Variants in MYO18B observed in about 807,000 individuals in gnomAD.
The protein encoded by MYO18B is myosin XVIIIB.
A neutral mutation model predicts 273.0 loss-of-function variants in MYO18B; 204 were observed. That is an observed-to-expected ratio of 0.75 (90% confidence interval 0.67 to 0.84). The LOEUF is 0.84. MYO18B is among the 40% of genes least tolerant of loss of function. The pLI, the probability that MYO18B is intolerant of heterozygous loss-of-function variation, is 0.00. For missense variants in MYO18B, 3,212 were observed against 3,287.6 expected (o/e 0.98, Z 0.56); for synonymous variants, 1,330 against 1,305.7 (o/e 1.02, Z -0.40).
chr22:25,997,796 C>T (rs1933451620), intron 40 of MYO18B, among the ~76,000 whole-genome samples: 1 of 152,108 alleles, frequency 6.6e-6, no homozygotes, highest in Admixed American at 6.6e-5. Context: ...GCTAACAGCT[C>T]CACGCTACAC....
At chr22:26,063,562 G>GCA in the MYO18B span, among the ~76,000 whole-genome samples, 1 of 152,190 alleles carries the variant, frequency 6.6e-6, no homozygotes, top group Non-Finnish European at 1.5e-5. Context: ...TCAGGTCCAG[G>GCA]TCTCTTTGCA....
intron 34 of MYO18B, among the ~76,000 whole-genome samples, chr22:25,934,009 C>T (rs896621179): frequency 3.3e-5 from 5 of 152,156 alleles, no homozygotes; most frequent in Non-Finnish European, 7.4e-5. Flanking sequence ...GTATTATTAT[C>T]AGTTGTTGGC....
chr22:25,989,725 G>A (rs1453171526), intron 39 of MYO18B, among the ~76,000 whole-genome samples: 1 of 147,642 alleles, frequency 6.8e-6, no homozygotes, highest in Non-Finnish European at 1.5e-5. Flanking sequence ...TTGAACCTGG[G>A]AGGCGGAGCT....
At position 25,921,774 on chromosome 22, in the gene MYO18B, G is replaced by A. The variant is rs369985905; in HGVS notation, c.5517+365G>A. ...TGTGTGTATGCGTGTATGCGTGTGT[G>A]TGTGGTGACTGCCAGGACTAGGTAT... On this transcript the variant is annotated intron_variant, in intron 34 of 43. Coordinates refer to ENST00000335473, the MANE Select transcript of MYO18B (RefSeq NM_032608.7). 8.4e-4 allele frequency among the ~76,000 whole-genome samples: 125 copies of A among 149,676 alleles called. 1 individual carries two copies. In the South Asian group the frequency reaches 0.025, roughly 30 times the overall value.
At chr22:25,891,241 G>A in intron 26 of MYO18B, 63 bp from the exon 27 acceptor site, 1 of 1,244,108 alleles carries the variant, frequency 8.0e-7, no homozygotes, top group South Asian at 1.3e-5. Context: ...CACTTCATGG[G>A]TAAGATGACC....
the MYO18B span, among the ~76,000 whole-genome samples, chr22:26,037,257 C>T: frequency 2.6e-5 from 4 of 152,124 alleles, no homozygotes; most frequent in East Asian, 7.7e-4. Flanking sequence ...TTGTTAAATC[C>T]CTCTAATTCT....
chr22:25,823,650 G>A lies in MYO18B; in HGVS notation c.2667G>A (p.Trp889Ter), dbSNP rs1311965817. ...AAATGACGTTTGGGCCAAGCCGATG[G>A]GGCCTCGAGGATGAGGAAACCAGCT... Reference protein sequence around the residue: ...IQQMTFGPSRWGLEDEETSSG... With the variant: ...IQQMTFGPSR The change falls in exon 13 of 44, where the codon TGG becomes TGA. Residue 889 changes from tryptophan to a stop codon, truncating the protein, a stop_gained. Transcript: ENST00000335473. LOFTEE classifies it high-confidence loss of function. 1 of 1,613,982 alleles carries A rather than the reference G, an allele frequency of 6.2e-7. No individual in the cohort carries two copies. The highest frequency in any genetic ancestry group is 8.5e-7 in the Non-Finnish European group (1 of 1,179,888).
At position 25,977,285 on chromosome 22, in the gene MYO18B, C is replaced by CTGTATTTGTATTTGTATTTGTATT. The variant is rs55633196; in HGVS notation, c.6157-15042_6157-15019dup. Among the ~76,000 whole-genome samples the CTGTATTTGTATTTGTATTTGTATT allele has an allele frequency of 3.4e-3, 492 of 143,974 alleles. 5 individuals are homozygous for CTGTATTTGTATTTGTATTTGTATT. The highest frequency in any genetic ancestry group is 0.011 in the African/African-American group (439 of 38,224). The allele number at this position is 143,974 out of a possible 152,430, so 94.5% of individuals were successfully genotyped here. A position where few individuals can be genotyped will look rare whatever the true frequency, so the allele number is the denominator to read the frequency against. On this transcript the variant is annotated intron_variant, in intron 39 of 43. Transcript: ENST00000335473. ...AAGGGGTGATCCGATTTTCCAACTC[C>CTGTATTTGTATTTGTATTTGTATT]TGTATTTGTATTTGTATTTGTATTT...
chr22:25,752,188 A>AT lies in MYO18B; in HGVS notation c.-109-8779dup, dbSNP rs10562664. Reference sequence around the variant, plus strand: ...AAATATTTAACTTTTATTTTAATTAATTTTTTTTTTTTTTTTTGAGACGGA... The same window carrying AT: ...AAATATTTAACTTTTATTTTAATTAATTTTTTTTTTTTTTTTTTGAGACGGA... On this transcript the variant is annotated intron_variant, in intron 1 of 43. Transcript: ENST00000335473. Among the ~76,000 whole-genome samples, 622 of 137,252 alleles carry AT rather than the reference A, an allele frequency of 4.5e-3. 3 individuals carry two copies. The highest frequency in any genetic ancestry group is 0.014 in the Middle Eastern group (4 of 278). The allele number at this position is 137,252 out of a possible 152,430, so 90.0% of individuals were successfully genotyped here.
intron 42 of MYO18B, among the ~76,000 whole-genome samples, chr22:26,008,907 G>C (rs1032888625): frequency 3.3e-5 from 5 of 152,122 alleles, no homozygotes; most frequent in African/African-American, 1.2e-4. Flanking sequence ...TCCTGAGCAG[G>C]GTCTAAGCCT....
At chr22:25,840,305 A>G (rs1004251029) in intron 17 of MYO18B, among the ~76,000 whole-genome samples, 1 of 152,010 alleles carries the variant, frequency 6.6e-6, no homozygotes, top group Admixed American at 6.6e-5. Flanking sequence ...GCACATTCCC[A>G]CCTCTGGGCC....
At chr22:25,744,039 A>G (rs2085704045) in intron 1 of MYO18B, among the ~76,000 whole-genome samples, 1 of 152,182 alleles carries the variant, frequency 6.6e-6, no homozygotes, top group South Asian at 2.1e-4. Context: ...GCCCACCCAA[A>G]TTGGAGAAGA....
At chr22:25,783,062 G>A (rs931727531) in intron 10 of MYO18B, among the ~76,000 whole-genome samples, 1 of 152,190 alleles carries the variant, frequency 6.6e-6, no homozygotes, top group African/African-American at 2.4e-5. Flanking sequence ...TTGTGGTGAG[G>A]ATTAAAATAT....
chr22:25,995,201 C>A (rs1155189), intron 40 of MYO18B, among the ~76,000 whole-genome samples: 2 of 152,002 alleles, frequency 1.3e-5, no homozygotes, highest in East Asian at 3.9e-4. Context: ...AGAGAAACAT[C>A]GCATATTCTC....
intron 12 of MYO18B, among the ~76,000 whole-genome samples, chr22:25,823,250 A>G (rs2089351095): frequency 6.6e-6 from 1 of 152,210 alleles, no homozygotes; most frequent in African/African-American, 2.4e-5. Flanking sequence ...GTGCTTCCCC[A>G]TGATATTTTT....
chr22:26,063,432 G>A, the MYO18B span, among the ~76,000 whole-genome samples: 3 of 152,118 alleles, frequency 2.0e-5, no homozygotes, highest in African/African-American at 7.2e-5. Context: ...ACAGGTGAAG[G>A]TGATTAGCCC....
chr22:25,835,265 G>T (rs2089855020), intron 16 of MYO18B, 31 bp from the exon 17 acceptor site: 1 of 1,606,498 alleles, frequency 6.2e-7, no homozygotes, highest in Non-Finnish European at 8.5e-7. Context: ...GGGTATCAGG[G>T]CCCTTCAGTG....
intron 39 of MYO18B, among the ~76,000 whole-genome samples, chr22:25,972,776 C>T (rs570913166): frequency 1.8e-4 from 28 of 152,068 alleles, no homozygotes; most frequent in South Asian, 6.2e-4. Flanking sequence ...GCCAACATGG[C>T]GAAACCCCTT....
At position 25,769,985 on chromosome 22, in the gene MYO18B, C is replaced by T. The variant is rs1044378523; in HGVS notation, c.1513-125C>T. 3.9e-5 allele frequency: 38 copies of T among 982,132 alleles called. No homozygotes were observed. The African/African-American group carries it at 5.7e-4, about 15-fold the overall frequency. 60.8% of individuals were successfully genotyped at this position (982,132 alleles called of 1,614,324 possible). A position where few individuals can be genotyped will look rare whatever the true frequency, so the allele number is the denominator to read the frequency against. ...CATTTAAATAAGCACACTCCCTCTC[C>T]TGTTCTCCCCCAGGAGATTCTGGTT... On this transcript the variant is annotated intron_variant, in intron 4 of 43. Coordinates refer to ENST00000335473, the MANE Select transcript of MYO18B (RefSeq NM_032608.7).
Sources: allele counts gnomAD v4.1 joint callset (sites outside exome capture counted in the v4.1 genomes callset), GRCh38; gene constraint gnomAD v4.1.1; transcripts MANE v1.5; gene names NCBI Gene and HGNC (gene_info 2026-07-23, HGNC 2026-07-21).